Variants in RHOJ observed in about 807,000 individuals in gnomAD.
RHOJ encodes rho-related GTP-binding protein RhoJ.
Under a neutral mutation model 23.4 loss-of-function variants are expected in RHOJ, and 11 were observed. The observed-to-expected ratio is 0.47, with a 90% CI of 0.30 to 0.78. RHOJ has a LOEUF of 0.78. RHOJ is among the 30% of genes least tolerant of loss of function. The pLI is 0.08. For synonymous variants in RHOJ, 102 were observed against 102.7 expected, an observed-to-expected ratio of 0.99 and a Z score of 0.04; for missense variants, 254 against 273.4, an observed-to-expected ratio of 0.93 and a Z score of 0.50.
At chr14:63,253,424 G>A (rs962237043) in intron 1 of RHOJ, among the ~76,000 whole-genome samples, 23 of 151,644 alleles carry the variant, frequency 1.5e-4, no homozygotes, top group Admixed American at 1.5e-3. Flanking sequence ...TAGAGATGGG[G>A]TTTCACTATG....
chr14:63,272,312 A>G (rs555267800), intron 2 of RHOJ, among the ~76,000 whole-genome samples: 2 of 150,270 alleles, frequency 1.3e-5, no homozygotes, highest in African/African-American at 5.1e-5. Context: ...GTTGTATTCT[A>G]GTAAATGTGC....
At chr14:63,282,286 G>GCACACACACACACACACA (rs36227581) in intron 3 of RHOJ, among the ~76,000 whole-genome samples, 21 of 133,296 alleles carry the variant, frequency 1.6e-4, no homozygotes, top group African/African-American at 5.2e-4. Flanking sequence ...ACAAACACAT[G>GCACACACACACACACACA]CACACACACA....
chr14:63,283,386 T>C, intron 4 of RHOJ, 170 bp downstream of exon 4: 2 of 607,406 alleles, frequency 3.3e-6, no homozygotes, highest in Non-Finnish European at 5.8e-6. Flanking sequence ...GAAGGAGCCA[T>C]TTGGTTAGCC....
chr14:63,271,587 A>C (rs183286102), intron 2 of RHOJ, among the ~76,000 whole-genome samples: 28 of 152,056 alleles, frequency 1.8e-4, no homozygotes, highest in Admixed American at 4.6e-4. Context: ...CATTTCTTTT[A>C]TTTTATTTTA....
intron 1 of RHOJ, among the ~76,000 whole-genome samples, chr14:63,259,484 T>C (rs993117594): frequency 1.3e-5 from 2 of 152,180 alleles, no homozygotes; most frequent in Non-Finnish European, 2.9e-5. Context: ...CTGATAAGCA[T>C]CCCAAAAATT....
At chr14:63,221,233 G>C (rs1894486911) in intron 1 of RHOJ, among the ~76,000 whole-genome samples, 7 of 152,156 alleles carry the variant, frequency 4.6e-5, no homozygotes, top group Admixed American at 4.6e-4. Context: ...AGGAGGCTGA[G>C]GTGGGAGGAT....
At chr14:63,212,004 G>A (rs1393014224) in intron 1 of RHOJ, among the ~76,000 whole-genome samples, 1 of 152,196 alleles carries the variant, frequency 6.6e-6, no homozygotes, top group African/African-American at 2.4e-5. Flanking sequence ...CCTTGCTCAT[G>A]TGATGCTCCT....
chr14:63,268,985 A>C (rs1895416054), intron 1 of RHOJ, 125 bp from the exon 2 acceptor site: 1 of 675,054 alleles, frequency 1.5e-6, no homozygotes. Flanking sequence ...TAGAATGTAC[A>C]TGAGCGAGGC....
chr14:63,252,256 T>C (rs1895085169), intron 1 of RHOJ, among the ~76,000 whole-genome samples: 1 of 152,188 alleles, frequency 6.6e-6, no homozygotes, highest in Non-Finnish European at 1.5e-5. Context: ...CCTCTGCTTC[T>C]ATTCTGACAT....
chr14:63,205,177 G>A (rs1398214440), intron 1 of RHOJ, 130 bp downstream of exon 1: 3 of 915,522 alleles, frequency 3.3e-6, no homozygotes, highest in Admixed American at 2.8e-5. Flanking sequence ...AGGGAGCTTA[G>A]CGTAGCATAC....
chr14:63,255,897 T>C (rs1264549019), intron 1 of RHOJ, among the ~76,000 whole-genome samples: 4 of 150,640 alleles, frequency 2.7e-5, no homozygotes, highest in Non-Finnish European at 4.4e-5. Flanking sequence ...TCTCACTCTG[T>C]TGCCTAGGCT....
intron 1 of RHOJ, among the ~76,000 whole-genome samples, chr14:63,268,259 G>A (rs1370157923): frequency 2.0e-5 from 3 of 151,972 alleles, no homozygotes; most frequent in Non-Finnish European, 4.4e-5. Context: ...TTCACGAAAA[G>A]AATTCTATTA....
At chr14:63,228,703 C>G (rs1304331942) in intron 1 of RHOJ, among the ~76,000 whole-genome samples, 1 of 150,674 alleles carries the variant, frequency 6.6e-6, no homozygotes, top group Non-Finnish European at 1.5e-5. Flanking sequence ...GAAGAATAAA[C>G]AAAACTCTAA....
intron 1 of RHOJ, among the ~76,000 whole-genome samples, chr14:63,262,627 T>C (rs148621989): frequency 9.6e-4 from 146 of 152,358 alleles, no homozygotes; most frequent in African/African-American, 3.1e-3. Context: ...GACCACTGTC[T>C]GCCAGGCAGA....
rs765727686 is a variant in RHOJ, at chr14:63,283,104, G to T, written c.403-17G>T. 1.9e-6 allele frequency: 3 copies of T among 1,593,132 alleles called. No homozygotes were observed. The highest frequency in any genetic ancestry group is 2.6e-6 in the Non-Finnish European group (3 of 1,161,218). Reference sequence around the variant, plus strand: ...CCTGAGAAAACAAATAAGTTTTCACGTGTGTTTTCTTGCCAGATTGATCTC... The same window carrying T: ...CCTGAGAAAACAAATAAGTTTTCACTTGTGTTTTCTTGCCAGATTGATCTC... On this transcript the variant is annotated splice_polypyrimidine_tract_variant and intron_variant, in intron 3 of 4. Coordinates refer to ENST00000316754, the MANE Select transcript of RHOJ (RefSeq NM_020663.5).
chr14:63,279,243 A>C (rs1214203553), intron 2 of RHOJ, among the ~76,000 whole-genome samples: 1 of 152,244 alleles, frequency 6.6e-6, no homozygotes, highest in Non-Finnish European at 1.5e-5. Context: ...CTATGAATAC[A>C]TGTATATCAT....
chr14:63,253,475 C>G (rs1425086893), intron 1 of RHOJ, among the ~76,000 whole-genome samples: 2 of 152,126 alleles, frequency 1.3e-5, no homozygotes, highest in Non-Finnish European at 2.9e-5. Context: ...AAGTGATCCT[C>G]CTGCCTTGGC....
intron 1 of RHOJ, among the ~76,000 whole-genome samples, chr14:63,234,744 A>G (rs992814391): frequency 2.6e-5 from 4 of 152,198 alleles, no homozygotes; most frequent in Non-Finnish European, 5.9e-5. Context: ...TTTCCAAAAA[A>G]TATATATAAA....
intron 1 of RHOJ, among the ~76,000 whole-genome samples, chr14:63,254,281 C>T (rs933301468): frequency 6.6e-6 from 1 of 152,102 alleles, no homozygotes; most frequent in Non-Finnish European, 1.5e-5. Context: ...CTGGCATGCA[C>T]ACCAGAAAGT....
Sources: allele counts gnomAD v4.1 joint callset (sites outside exome capture counted in the v4.1 genomes callset), GRCh38; gene constraint gnomAD v4.1.1; transcripts MANE v1.5; gene names NCBI Gene and HGNC (gene_info 2026-07-23, HGNC 2026-07-21).